Variants in PDS5A observed in about 807,000 individuals in gnomAD.
PDS5A encodes PDS5 cohesin associated factor A.
A neutral mutation model predicts 167.1 loss-of-function variants in PDS5A; 42 were observed. That is an observed-to-expected ratio of 0.25 (90% CI 0.20 to 0.33). PDS5A has a LOEUF of 0.33. Ranked by LOEUF, PDS5A falls within the 10% of genes least tolerant of loss-of-function variation. The pLI is 1.00. For missense variants in PDS5A, 1,033 were observed against 1,605.9 expected (o/e 0.64, Z 6.10); for synonymous variants, 553 against 554.6 (o/e 1.00, Z 0.04).
At chr4:39,957,532 T>C (rs1458290927) in intron 2 of PDS5A, among the ~76,000 whole-genome samples, 4 of 152,056 alleles carry the variant, frequency 2.6e-5, no homozygotes, top group African/African-American at 4.8e-5. Flanking sequence ...TGGCCTGTAA[T>C]CCTAGCACTT....
In PDS5A at chr4:39,849,980, C is replaced by G. The variant is rs1307394627; in HGVS notation, c.3087-328G>C. Among the ~76,000 whole-genome samples the G allele has an allele frequency of 4.6e-5, 7 of 152,094 alleles. No homozygotes were observed. In the East Asian group the frequency reaches 5.8e-4, roughly 13 times the overall value. ...CTAAGGTGGGTAGATTGCCTGAACC[C>G]AGAAATTCGAGGCTGGGCGCGGTGG... is the stretch of plus-strand genomic sequence containing the variant. On this transcript the variant is annotated intron_variant, in intron 26 of 32. Transcript: ENST00000303538.
chr4:39,902,549 G>T, intron 12 of PDS5A, 89 bp from the exon 13 acceptor site: 1 of 610,148 alleles, frequency 1.6e-6, no homozygotes, highest in Non-Finnish European at 2.9e-6. Flanking sequence ...TGGAGACAGG[G>T]TCTTGCTCTG....
At chr4:39,957,765 C>A (rs534591697) in intron 2 of PDS5A, among the ~76,000 whole-genome samples, 1 of 126,538 alleles carries the variant, frequency 7.9e-6, no homozygotes, top group African/African-American at 3.0e-5. Flanking sequence ...CCAGCCTGGG[C>A]GACAGTGTGA....
chr4:39,935,627 T>C (rs573345514), intron 2 of PDS5A, among the ~76,000 whole-genome samples: 2 of 152,322 alleles, frequency 1.3e-5, no homozygotes, highest in South Asian at 4.1e-4. Flanking sequence ...GTGTTCCTAT[T>C]TTCTGTGCCC....
chr4:39,974,011 A>G (rs1730832791), intron 2 of PDS5A: 1 of 460,370 alleles, frequency 2.2e-6, no homozygotes. Flanking sequence ...CCGTGGTCCC[A>G]GCTACTCGGG....
intron 2 of PDS5A, chr4:39,974,324 T>A (rs568992013): frequency 3.9e-6 from 2 of 508,748 alleles, no homozygotes; most frequent in East Asian, 5.4e-5. Flanking sequence ...AACAGAGCGG[T>A]TGCTAACACA....
intron 2 of PDS5A, among the ~76,000 whole-genome samples, chr4:39,951,903 A>G (rs899305969): frequency 6.6e-6 from 1 of 150,458 alleles, no homozygotes; most frequent in Non-Finnish European, 1.5e-5. Flanking sequence ...TGTCTCAAAA[A>G]AAAAAAAAAA....
At chr4:39,861,066 T>TA (rs1292282053) in intron 26 of PDS5A, among the ~76,000 whole-genome samples, 3,098 of 135,650 alleles carry the variant, frequency 0.023, 33 homozygotes, top group Non-Finnish European at 0.028. Context: ...CTTGTCTCAT[T>TA]AAAAAAAAAA....
intron 32 of PDS5A, among the ~76,000 whole-genome samples, chr4:39,835,861 G>C (rs1578571769): frequency 2.0e-5 from 3 of 152,284 alleles, no homozygotes; most frequent in Admixed American, 2.0e-4. Flanking sequence ...GATGGTACAG[G>C]GACAGCTAAT....
intron 2 of PDS5A, among the ~76,000 whole-genome samples, chr4:39,966,917 A>C (rs1578845059): frequency 2.0e-5 from 3 of 151,626 alleles, no homozygotes; most frequent in African/African-American, 7.3e-5. Context: ...AATTGCTTGA[A>C]CCTGGGAGGT....
At chr4:39,830,272 TA>T (rs1715738832) in intron 32 of PDS5A, among the ~76,000 whole-genome samples, 1 of 152,134 alleles carries the variant, frequency 6.6e-6, no homozygotes, top group African/African-American at 2.4e-5. Flanking sequence ...CCACTGGAGC[TA>T]TGAACACTGA....
intron 28 of PDS5A, chr4:39,846,520 T>C (rs1462509855): frequency 6.6e-6 from 1 of 152,184 alleles, no homozygotes; most frequent in African/African-American, 2.4e-5. Flanking sequence ...GTAGACCAAC[T>C]GTCAAAATAC....
At chr4:39,853,525 A>G (rs557532071) in intron 26 of PDS5A, among the ~76,000 whole-genome samples, 3 of 152,274 alleles carry the variant, frequency 2.0e-5, no homozygotes, top group East Asian at 1.9e-4. Context: ...CTCTGCTCCT[A>G]TATCATTTAG....
intron 8 of PDS5A, among the ~76,000 whole-genome samples, chr4:39,916,744 T>C (rs996294699): frequency 1.3e-5 from 2 of 151,972 alleles, no homozygotes; most frequent in Non-Finnish European, 2.9e-5. Flanking sequence ...TTTGCACCTG[T>C]AGTCCCAGCT....
chr4:39,842,551 G>GT (rs1463627870), intron 30 of PDS5A, among the ~76,000 whole-genome samples: 2 of 152,014 alleles, frequency 1.3e-5, no homozygotes, highest in African/African-American at 2.4e-5. Flanking sequence ...GCTAAAAGTG[G>GT]TTTAAAACAT....
intron 9 of PDS5A, 78 bp downstream of exon 9, chr4:39,913,533 G>GTA: frequency 1.3e-6 from 1 of 760,910 alleles, no homozygotes; most frequent in East Asian, 2.5e-5. Context: ...GTTTTGATAT[G>GTA]TATAGTTTTA....
At position 39,910,237 on chromosome 4, in the gene PDS5A, A is replaced by G. The variant is rs765728020; in HGVS notation, c.1087+7T>C. ...TGCTAATATGTGTAATAAACCAGCT[A>G]GCTTACCTGTGAGATCCTTCGCTAA... On this transcript the variant is annotated splice_region_variant and intron_variant, in intron 10 of 32. Coordinates refer to ENST00000303538, the MANE Select transcript of PDS5A (RefSeq NM_001100399.2). The G allele has an allele frequency of 6.8e-7, 1 of 1,461,550 alleles. No individual in the cohort carries two copies. Among genetic ancestry groups the G allele is most frequent in the South Asian group, 1.2e-5 (1 of 84,402 alleles). 90.5% of individuals were successfully genotyped at this position (1,461,550 alleles called of 1,614,324 possible).
intron 26 of PDS5A, among the ~76,000 whole-genome samples, chr4:39,858,848 C>T (rs1186117682): frequency 6.6e-6 from 1 of 152,124 alleles, no homozygotes; most frequent in Admixed American, 6.5e-5. Flanking sequence ...TGGTCCTGAA[C>T]TCCTAACCTC....
In PDS5A at chr4:39,837,992, T is replaced by G; in HGVS notation, c.3874A>C (p.Ile1292Leu). 6.2e-7 allele frequency: 1 copy of G among 1,614,004 alleles called. No homozygotes were observed. The highest frequency in any genetic ancestry group is 8.5e-7 in the Non-Finnish European group (1 of 1,179,888). Residue 1292 changes from isoleucine to leucine, a missense_variant, in exon 32 of 33, where the codon ATT becomes CTT. By Grantham distance (5) the Ile-to-Leu change is conservative. Around this residue, in one of 4 missense-constraint regions of PDS5A, gnomAD observed 233 missense variants for 264.0 expected, o/e 0.88. Coordinates refer to ENST00000303538, the MANE Select transcript of PDS5A (RefSeq NM_001100399.2). Reference protein sequence around the residue: ...ATKNDDLNKPINKGRKRAAVG... With the variant: ...ATKNDDLNKPLNKGRKRAAVG... ...GCAGCTCTCTTCCTTCCCTTGTTAA[T>G]AGGTTTATTTAGATCATCATTTTTG...
Sources: allele counts gnomAD v4.1 joint callset (sites outside exome capture counted in the v4.1 genomes callset), GRCh38; gene constraint gnomAD v4.1.1; regional missense constraint gnomAD v4.1.1; transcripts MANE v1.5; gene names NCBI Gene and HGNC (gene_info 2026-07-23, HGNC 2026-07-21).